Variants in LTBP1 observed in about 807,000 individuals in gnomAD.
The protein encoded by LTBP1 is latent-transforming growth factor beta-binding protein 1.
In LTBP1, 129 loss-of-function variants were observed where a neutral mutation model predicts 207.6. That is an observed-to-expected ratio of 0.62 (90% CI 0.54 to 0.72). LTBP1 has a LOEUF of 0.72. LTBP1 is among the 30% of genes least tolerant of loss of function. LTBP1 has a pLI of 0.00. For missense variants in LTBP1, 2,281 were observed against 2,217.2 expected, an observed-to-expected ratio of 1.03 and a Z score of -0.58; for synonymous variants, 963 against 833.7, an observed-to-expected ratio of 1.16 and a Z score of -2.67.
intron 31 of LTBP1, among the ~76,000 whole-genome samples, chr2:33,371,199 G>A (rs1558312144): frequency 1.3e-5 from 2 of 152,256 alleles, no homozygotes; most frequent in South Asian, 2.1e-4. Context: ...AGGCCAGACC[G>A]CAGACTGCAC....
At chr2:33,322,788 G>A (rs935279729) in intron 24 of LTBP1, among the ~76,000 whole-genome samples, 5 of 152,164 alleles carry the variant, frequency 3.3e-5, no homozygotes, top group African/African-American at 4.8e-5. Context: ...CTGTAGGTCC[G>A]TATTTAAATG....
intron 5 of LTBP1, among the ~76,000 whole-genome samples, chr2:33,145,945 C>G (rs537087768): frequency 6.6e-6 from 1 of 152,172 alleles, no homozygotes; most frequent in African/African-American, 2.4e-5. Flanking sequence ...CAGTAATTAT[C>G]ATTTCCCTTC....
At chr2:33,385,752 A>C (rs2095260348) in intron 31 of LTBP1, among the ~76,000 whole-genome samples, 2 of 152,310 alleles carry the variant, frequency 1.3e-5, no homozygotes, top group South Asian at 4.1e-4. Context: ...GGCGGCGTGG[A>C]TGGATTAGGA....
At chr2:33,282,952 AC>A (rs1443822114) in intron 19 of LTBP1, among the ~76,000 whole-genome samples, 1 of 151,098 alleles carries the variant, frequency 6.6e-6, no homozygotes, top group East Asian at 2.0e-4. Flanking sequence ...AATCCCAGCC[AC>A]CCAGTAGGCT....
intron 2 of LTBP1, among the ~76,000 whole-genome samples, chr2:33,011,137 A>G (rs1687622873): frequency 6.6e-6 from 1 of 152,198 alleles, no homozygotes; most frequent in Admixed American, 6.5e-5. Flanking sequence ...ATGACAAGAC[A>G]CAACAGGATG....
At chr2:32,964,908 C>T (rs935427996) in intron 2 of LTBP1, among the ~76,000 whole-genome samples, 2 of 151,994 alleles carry the variant, frequency 1.3e-5, no homozygotes, top group African/African-American at 4.8e-5. Context: ...GGTGTGGTGG[C>T]GTGCACCTGT....
intron 31 of LTBP1, among the ~76,000 whole-genome samples, chr2:33,374,298 T>G (rs1297525187): frequency 6.6e-6 from 1 of 152,208 alleles, no homozygotes; most frequent in East Asian, 1.9e-4. Context: ...CTTTCTGCTT[T>G]TGGTCCTGGC....
intron 7 of LTBP1, among the ~76,000 whole-genome samples, chr2:33,211,420 A>C (rs1203663473): frequency 6.6e-6 from 1 of 152,196 alleles, no homozygotes; most frequent in Admixed American, 6.5e-5. Context: ...TAATCCCCAC[A>C]CAGGGGTTGA....
At position 32,991,121 on chromosome 2, in the gene LTBP1, A is replaced by C. The variant is rs1269506507; in HGVS notation, c.566-29788A>C. ...TTTCCTTTGTTTGAGTTTGTTACTC[A>C]TTTTGCTTTTTATCTCATATAACTT... is the stretch of plus-strand genomic sequence containing the variant. On this transcript the variant is annotated intron_variant, in intron 2 of 33. Transcript: ENST00000404816. Among the ~76,000 whole-genome samples the C allele has an allele frequency of 2.6e-5, 4 of 152,198 alleles. No individual in the cohort carries two copies. In the East Asian group the frequency reaches 7.7e-4, roughly 29 times the overall value.
intron 24 of LTBP1, among the ~76,000 whole-genome samples, chr2:33,336,056 C>T (rs149935880): frequency 1.3e-5 from 2 of 152,318 alleles, no homozygotes; most frequent in Non-Finnish European, 2.9e-5. Flanking sequence ...ATATCCTCTT[C>T]ATGGCCCACA....
Position 33,151,823 on chromosome 2 carries a change from T to G in LTBP1, c.1201+16863T>G, listed in dbSNP as rs62133342. Among the ~76,000 whole-genome samples, 100 of 129,464 alleles carry G rather than the reference T, an allele frequency of 7.7e-4. 7 individuals carry two copies. Among genetic ancestry groups the G allele is most frequent in the South Asian group, 1.6e-3 (6 of 3,866 alleles). The allele number at this position is 129,464 out of a possible 152,430, so 84.9% of individuals were successfully genotyped here. The stretch of plus-strand genomic sequence containing the variant: ...TTTTATGGCTGAGTAGTATTCCATT[T>G]TGTGTGTGTGTGTGTGTGTGTGTGT... On this transcript the variant is annotated intron_variant, in intron 5 of 33. Transcript: ENST00000404816.
At chr2:33,233,633 A>G (rs1182476928) in intron 9 of LTBP1, among the ~76,000 whole-genome samples, 4 of 152,014 alleles carry the variant, frequency 2.6e-5, no homozygotes, top group Non-Finnish European at 5.9e-5. Flanking sequence ...CTGTCTAGCA[A>G]TTTTATGGAA....
chr2:33,167,395 C>CTTA (rs2085016932), intron 5 of LTBP1, among the ~76,000 whole-genome samples: 1 of 151,148 alleles, frequency 6.6e-6, no homozygotes, highest in African/African-American at 2.4e-5. Flanking sequence ...ATATTAGGTA[C>CTTA]CGACCATGTA....
rs1228073322 is a variant in LTBP1, at chr2:33,186,860, T to C, written c.1206T>C (p.Ile402=). Residue 402 remains isoleucine (I), a synonymous_variant, in exon 6 of 34, where the codon ATT becomes ATC. Transcript: ENST00000404816. ...GTTTTCTCTTTTCCCTTTTAGTAATTTGCCATCTTCCATGTATGAATGGTG... is the reference window on the plus strand; with the variant it reads ...GTTTTCTCTTTTCCCTTTTAGTAATCTGCCATCTTCCATGTATGAATGGTG... ...TLTATNFRVV[I]CHLPCMNGGQ... The C allele has an allele frequency of 1.9e-6, 3 of 1,613,100 alleles. No homozygotes were observed. Among genetic ancestry groups the C allele is most frequent in the Non-Finnish European group, 2.5e-6 (3 of 1,179,056 alleles).
intron 2 of LTBP1, among the ~76,000 whole-genome samples, chr2:33,019,554 C>T (rs1167330270): frequency 6.6e-6 from 1 of 151,754 alleles, no homozygotes; most frequent in African/African-American, 2.4e-5. Flanking sequence ...AGGCTGGTCT[C>T]GAACTCCTGA....
chr2:33,360,094 A>G (rs1473091445), intron 26 of LTBP1, among the ~76,000 whole-genome samples: 1 of 152,208 alleles, frequency 6.6e-6, no homozygotes, highest in Non-Finnish European at 1.5e-5. Context: ...GTTATTTAAT[A>G]GGCTGCAGGT....
At chr2:32,958,270 A>T (rs997015826) in intron 2 of LTBP1, among the ~76,000 whole-genome samples, 7 of 152,190 alleles carry the variant, frequency 4.6e-5, no homozygotes, top group African/African-American at 1.7e-4. Context: ...TGCATTAGGT[A>T]ATACATTAAA....
In LTBP1 at chr2:33,125,320, A is replaced by C. The variant is rs192174593; in HGVS notation, c.1034-9473A>C. Among the ~76,000 whole-genome samples, 125 of 152,342 alleles carry C rather than the reference A, an allele frequency of 8.2e-4. 2 individuals are homozygous for C. Among genetic ancestry groups the C allele is most frequent in the Admixed American group, 5.1e-3 (78 of 15,308 alleles). ...TTGCTGGCAGAATGGATATGACTGC[A>C]GCTTACATGATTGTCATGTGTATTT... On this transcript the variant is annotated intron_variant, in intron 4 of 33. Coordinates refer to ENST00000404816, the MANE Select transcript of LTBP1 (RefSeq NM_206943.4).
At chr2:33,188,311 C>T (rs1003609587) in intron 6 of LTBP1, among the ~76,000 whole-genome samples, 8 of 150,168 alleles carry the variant, frequency 5.3e-5, no homozygotes, top group Non-Finnish European at 8.9e-5. Flanking sequence ...ATCCCAGGTA[C>T]TCGGGAGGCT....
Sources: gnomAD v4.1 joint callset for allele counts (sites outside exome capture counted in the v4.1 genomes callset) on GRCh38, gnomAD v4.1.1 for gene constraint, MANE v1.5 for transcripts, NCBI Gene and HGNC (gene_info 2026-07-23, HGNC 2026-07-21) for gene names.